IGF2BP3: variants seen among roughly 807,000 people sequenced by gnomAD.
IGF2BP3 encodes insulin like growth factor 2 mRNA binding protein 3, also known as insulin-like growth factor 2 mRNA-binding protein 3.
Under a neutral mutation model 73.8 loss-of-function variants are expected in IGF2BP3, and 9 were observed. The ratio of observed to expected loss-of-function variants is 0.12; its 90% CI spans 0.07 to 0.21. The LOEUF (loss-of-function observed/expected upper bound fraction) is 0.21. Ranked by LOEUF, IGF2BP3 falls within the 10% of genes least tolerant of loss-of-function variation. The pLI is 1.00. For missense variants in IGF2BP3, 542 were observed against 714.0 expected, an observed-to-expected ratio of 0.76 and a Z score of 2.75; for synonymous variants, 258 against 256.7, an observed-to-expected ratio of 1.01 and a Z score of -0.05.
chr7:23,320,239 T>A (rs569412986), intron 10 of IGF2BP3, among the ~76,000 whole-genome samples: 1 of 152,086 alleles, frequency 6.6e-6, no homozygotes, highest in African/African-American at 2.4e-5. Context: ...ATGAAAAAAT[T>A]AGAAAATATT....
intron 3 of IGF2BP3, chr7:23,362,460 G>A (rs902275366): frequency 6.6e-6 from 1 of 152,132 alleles, no homozygotes; most frequent in African/African-American, 2.4e-5. Context: ...AGTGTGAAAT[G>A]AAGCAAACAT....
At position 23,408,978 on chromosome 7, in the gene IGF2BP3, G is replaced by T. The variant is rs551474623; in HGVS notation, c.285+9798C>A. 5.5e-4 allele frequency among the ~76,000 whole-genome samples: 84 copies of T among 151,638 alleles called. No individual in the cohort carries two copies. In the East Asian group the frequency reaches 0.012, roughly 22 times the overall value. ...TTTCCACGGACAGAGAGTGGGGATG[G>T]GGGGGATGGCTTCAGGATGAAACTG... On this transcript the variant is annotated intron_variant, in intron 3 of 14. Transcript: ENST00000258729.
intron 13 of IGF2BP3, 86 bp downstream of exon 13, chr7:23,313,436 G>A: frequency 6.9e-7 from 1 of 1,456,972 alleles, no homozygotes; most frequent in Non-Finnish European, 9.2e-7. Flanking sequence ...TTATAAATTA[G>A]CCAAAATTCG....
At chr7:23,363,215 G>C (rs1785276663) in intron 3 of IGF2BP3, among the ~76,000 whole-genome samples, 1 of 152,170 alleles carries the variant, frequency 6.6e-6, no homozygotes, top group Admixed American at 6.5e-5. Context: ...ACTGTTTCCA[G>C]TTTGAAACAT....
At chr7:23,459,031 A>G (rs1788384557) in intron 2 of IGF2BP3, among the ~76,000 whole-genome samples, 2 of 152,220 alleles carry the variant, frequency 1.3e-5, no homozygotes, top group African/African-American at 4.8e-5. Flanking sequence ...CCAGGGTTCT[A>G]TGGAGAATCC....
intron 2 of IGF2BP3, among the ~76,000 whole-genome samples, chr7:23,439,748 T>G (rs1300920722): frequency 6.6e-6 from 1 of 152,082 alleles, no homozygotes; most frequent in Non-Finnish European, 1.5e-5. Context: ...CTTTCCAGTG[T>G]TGATATAATT....
chr7:23,372,432 A>C (rs1448762579), intron 3 of IGF2BP3, among the ~76,000 whole-genome samples: 1 of 152,106 alleles, frequency 6.6e-6, no homozygotes, highest in East Asian at 1.9e-4. Context: ...TCACCCAGGT[A>C]GTGTATACTG....
At chr7:23,314,088 T>C (rs1783907790) in intron 12 of IGF2BP3, among the ~76,000 whole-genome samples, 1 of 152,144 alleles carries the variant, frequency 6.6e-6, no homozygotes, top group South Asian at 2.1e-4. Flanking sequence ...GGTACAATCA[T>C]AGCTCACTGC....
At chr7:23,439,388 T>C (rs1325545789) in intron 2 of IGF2BP3, among the ~76,000 whole-genome samples, 2 of 148,362 alleles carry the variant, frequency 1.3e-5, no homozygotes, top group Non-Finnish European at 3.0e-5. Flanking sequence ...CCCCACCTAC[T>C]AAAAATACAA....
intron 3 of IGF2BP3, among the ~76,000 whole-genome samples, chr7:23,390,279 T>G (rs892106168): frequency 1.3e-5 from 2 of 152,198 alleles, no homozygotes; most frequent in African/African-American, 4.8e-5. Context: ...CAAGATATTT[T>G]TGAACTTTAC....
intron 3 of IGF2BP3, among the ~76,000 whole-genome samples, chr7:23,415,812 A>C (rs1174726100): frequency 6.6e-6 from 1 of 152,086 alleles, no homozygotes; most frequent in Non-Finnish European, 1.5e-5. Context: ...CCTTACAGTC[A>C]CTACTCTGGA....
intron 2 of IGF2BP3, among the ~76,000 whole-genome samples, chr7:23,448,777 A>G (rs1034986641): frequency 1.3e-5 from 2 of 152,108 alleles, no homozygotes; most frequent in African/African-American, 4.8e-5. Flanking sequence ...ACCACAGGCC[A>G]CAACACCACA....
chr7:23,357,852 AT>A (rs1268725391), intron 5 of IGF2BP3, among the ~76,000 whole-genome samples: 7 of 152,188 alleles, frequency 4.6e-5, no homozygotes, highest in Non-Finnish European at 1.0e-4. Context: ...ATACAGCCGT[AT>A]TTGAGGACTC....
At chr7:23,373,404 A>G (rs1213306283) in intron 3 of IGF2BP3, among the ~76,000 whole-genome samples, 1 of 152,168 alleles carries the variant, frequency 6.6e-6, no homozygotes, top group African/African-American at 2.4e-5. Context: ...GTCACACGAA[A>G]AGACGCTCTG....
Position 23,318,329 on chromosome 7 carries a change from C to T in IGF2BP3, c.1321-616G>A, listed in dbSNP as rs541298006. Among the ~76,000 whole-genome samples, 6 of 152,220 alleles carry T rather than the reference C, an allele frequency of 3.9e-5. No homozygotes were observed. In the South Asian group the frequency reaches 8.3e-4, roughly 21 times the overall value. On this transcript the variant is annotated intron_variant, in intron 11 of 14. Transcript: ENST00000258729. ...CCTCAACCACCCAAGCTCAAGTGTT[C>T]CTCCCACCTCAGCCTCCCAAGCAGC...
At chr7:23,332,010 G>T (rs962786806) in intron 10 of IGF2BP3, among the ~76,000 whole-genome samples, 1 of 152,034 alleles carries the variant, frequency 6.6e-6, no homozygotes, top group Admixed American at 6.6e-5. Flanking sequence ...AAGGGATGGG[G>T]CAAGTGTCAC....
At chr7:23,330,428 G>C (rs965380190) in intron 10 of IGF2BP3, among the ~76,000 whole-genome samples, 1 of 151,542 alleles carries the variant, frequency 6.6e-6, no homozygotes, top group Non-Finnish European at 1.5e-5. Flanking sequence ...GTCACTCGAG[G>C]GGCTGCCTTC....
intron 10 of IGF2BP3, among the ~76,000 whole-genome samples, chr7:23,322,390 G>A (rs973001296): frequency 3.9e-5 from 6 of 152,134 alleles, no homozygotes; most frequent in African/African-American, 7.2e-5. Context: ...AAAAAGAAAC[G>A]AGCAAAGCCT....
At chr7:23,448,979 A>C (rs1354989554) in intron 2 of IGF2BP3, among the ~76,000 whole-genome samples, 2 of 152,148 alleles carry the variant, frequency 1.3e-5, no homozygotes, top group Non-Finnish European at 2.9e-5. Flanking sequence ...TCTGGGCTGC[A>C]GTTTCCCAAA....
Sources: gnomAD v4.1 joint callset for allele counts (sites outside exome capture counted in the v4.1 genomes callset) on GRCh38, gnomAD v4.1.1 for gene constraint, MANE v1.5 for transcripts, NCBI Gene and HGNC (gene_info 2026-07-23, HGNC 2026-07-21) for gene names.